The following GRK4 variants were observed in gnomAD, a reference collection of about 807,000 sequenced individuals.
The protein encoded by GRK4 is G protein-coupled receptor kinase 2-like.
Under a neutral mutation model 77.9 loss-of-function variants are expected in GRK4, and 73 were observed. That is an observed-to-expected ratio of 0.94 (90% CI 0.78 to 1.14). The LOEUF is 1.14. Ranked by LOEUF, GRK4 falls within the 50% of genes most tolerant of loss-of-function variation. The pLI, the probability that GRK4 is intolerant of heterozygous loss-of-function variation, is 0.00. For synonymous variants in GRK4, 257 were observed against 254.4 expected (o/e 1.01, Z -0.10); for missense variants, 729 against 700.2 (o/e 1.04, Z -0.46).
At chr4:2,975,782 T>C (rs1224991157) in intron 1 of GRK4, among the ~76,000 whole-genome samples, 4 of 152,228 alleles carry the variant, frequency 2.6e-5, no homozygotes, top group Admixed American at 6.5e-5. Flanking sequence ...TCTTCAGCAC[T>C]ATATTTCTCT....
At chr4:3,010,992 C>A (rs1391582820) in intron 7 of GRK4, among the ~76,000 whole-genome samples, 2 of 152,176 alleles carry the variant, frequency 1.3e-5, no homozygotes, top group East Asian at 3.8e-4. Context: ...CTAATCCAAT[C>A]GTATGCTTGC....
At chr4:3,017,192 C>A (rs754473468) in intron 8 of GRK4, among the ~76,000 whole-genome samples, 17 of 152,248 alleles carry the variant, frequency 1.1e-4, no homozygotes, top group Non-Finnish European at 1.9e-4. Flanking sequence ...TCTGGCCTTT[C>A]AGGCACTGAG....
At chr4:3,020,778 G>T (rs140847024) in intron 9 of GRK4, among the ~76,000 whole-genome samples, 1 of 151,434 alleles carries the variant, frequency 6.6e-6, no homozygotes, top group Non-Finnish European at 1.5e-5. Flanking sequence ...AGAAAATCCT[G>T]CTCAACAGGA....
At chr4:2,976,066 T>A (rs1721058534) in intron 1 of GRK4, among the ~76,000 whole-genome samples, 1 of 152,198 alleles carries the variant, frequency 6.6e-6, no homozygotes, top group South Asian at 2.1e-4. Flanking sequence ...GGGAAGTAAC[T>A]CTGAAAGGAC....
chr4:2,995,926 A>G (rs1423759977), intron 4 of GRK4, among the ~76,000 whole-genome samples: 3 of 152,342 alleles, frequency 2.0e-5, no homozygotes, highest in East Asian at 3.9e-4. Flanking sequence ...GGTGTCCAGT[A>G]TATGGCATTT....
intron 10 of GRK4, 56 bp downstream of exon 10, chr4:3,022,507 T>C: frequency 6.6e-7 from 1 of 1,505,450 alleles, no homozygotes; most frequent in Non-Finnish European, 9.2e-7. Context: ...GGGACTTGGA[T>C]ACAGAAAGTT....
intron 10 of GRK4, among the ~76,000 whole-genome samples, chr4:3,025,586 G>A (rs1375583360): frequency 6.6e-6 from 1 of 151,386 alleles, no homozygotes; most frequent in African/African-American, 2.4e-5. Flanking sequence ...TAGAGACGGG[G>A]TTTCACCGTG....
chr4:3,040,289 A>T (rs551198124), intron 15 of GRK4, among the ~76,000 whole-genome samples: 5 of 151,966 alleles, frequency 3.3e-5, no homozygotes, highest in Non-Finnish European at 5.9e-5. Context: ...AAAAATACAA[A>T]ACTTAGCAGG....
chr4:2,985,657 C>T (rs1724085432), intron 2 of GRK4: 1 of 206,168 alleles, frequency 4.9e-6, no homozygotes, highest in South Asian at 5.1e-5. Flanking sequence ...TACTCTGCAA[C>T]TGTAAAGAAT....
chr4:2,982,322 G>T (rs1358501514), intron 1 of GRK4, among the ~76,000 whole-genome samples: 2 of 152,262 alleles, frequency 1.3e-5, no homozygotes. Context: ...TGGAAGCACT[G>T]GTTCTAAGCC....
intron 10 of GRK4, among the ~76,000 whole-genome samples, chr4:3,023,195 G>C (rs1736547941): frequency 6.6e-6 from 1 of 152,186 alleles, no homozygotes; most frequent in Non-Finnish European, 1.5e-5. Context: ...AGTGGACAGG[G>C]AGTGGCCCTT....
chr4:2,981,089 A>G (rs946879892), intron 1 of GRK4, among the ~76,000 whole-genome samples: 1 of 152,242 alleles, frequency 6.6e-6, no homozygotes, highest in Non-Finnish European at 1.5e-5. Context: ...GTGCCAGGGA[A>G]TGCGGTGGCG....
chr4:2,987,891 C>A (rs951719942), intron 2 of GRK4, among the ~76,000 whole-genome samples: 7 of 151,886 alleles, frequency 4.6e-5, no homozygotes, highest in Non-Finnish European at 8.8e-5. Flanking sequence ...GCCTGGCCAA[C>A]ATAGTAAAAC....
At chr4:3,028,519 C>T (rs1490986491) in intron 11 of GRK4, among the ~76,000 whole-genome samples, 1 of 152,170 alleles carries the variant, frequency 6.6e-6, no homozygotes, top group Middle Eastern at 3.2e-3. Flanking sequence ...ACTTGGGGCG[C>T]CCTGGGCATG....
rs1735573498 is a variant in GRK4, at chr4:3,019,812, A to AG, written c.916dup (p.Glu306GlyfsTer11). 6.2e-7 allele frequency: 1 copy of AG among 1,613,864 alleles called. No individual in the cohort carries two copies. Among genetic ancestry groups the AG allele is most frequent in the East Asian group, 2.2e-5 (1 of 44,874 alleles). ...GTGTTGCGGCTTGGAAGATTTACAG[A>AG]GGGAAAGAATTGTATACAGGTAAGA... On this transcript the variant is annotated frameshift_variant, in exon 9 of 16. Transcript: ENST00000398052. LOFTEE classifies it high-confidence loss of function.
chr4:2,986,367 T>G (rs1401180994), intron 2 of GRK4, among the ~76,000 whole-genome samples: 3 of 144,400 alleles, frequency 2.1e-5, no homozygotes, highest in South Asian at 2.3e-4. Context: ...TTTTTTTTTT[T>G]TTTTTTTTGA....
intron 13 of GRK4, among the ~76,000 whole-genome samples, chr4:3,036,127 G>A (rs763983709): frequency 9.9e-5 from 15 of 152,202 alleles, no homozygotes; most frequent in Admixed American, 5.2e-4. Flanking sequence ...GGCCACCCGT[G>A]TCCCCTTTCT....
At chr4:3,025,375 T>G (rs897652903) in intron 10 of GRK4, among the ~76,000 whole-genome samples, 2 of 150,966 alleles carry the variant, frequency 1.3e-5, no homozygotes, top group African/African-American at 4.9e-5. Context: ...GCTTTCAATT[T>G]TTAGCGATCT....
chr4:3,015,952 G>C (rs1463319896), intron 8 of GRK4, among the ~76,000 whole-genome samples: 1 of 149,756 alleles, frequency 6.7e-6, no homozygotes, highest in South Asian at 2.1e-4. Context: ...ACTGTCTCCC[G>C]GGCTGGAGTG....
Sources: gnomAD v4.1 joint callset for allele counts (sites outside exome capture counted in the v4.1 genomes callset) on GRCh38, gnomAD v4.1.1 for gene constraint, MANE v1.5 for transcripts, NCBI Gene and HGNC (gene_info 2026-07-23, HGNC 2026-07-21) for gene names.